Variants in GABPB2 observed in about 807,000 individuals in gnomAD.
GABPB2 encodes the protein GA-binding protein subunit beta-2.
GABPB2 carries 23 observed loss-of-function variants against 39.1 expected under a neutral mutation model. The observed-to-expected ratio is 0.59, with a 90% CI of 0.42 to 0.83. The LOEUF (loss-of-function observed/expected upper bound fraction) is 0.83. GABPB2 is among the 40% of genes least tolerant of loss of function. The probability of loss-of-function intolerance (pLI) is 0.00; values close to 1 mark genes in which losing one functional copy is unlikely to be tolerated. For synonymous variants in GABPB2, 184 were observed against 199.3 expected (o/e 0.92, Z 0.65); for missense variants, 467 against 541.1 (o/e 0.86, Z 1.36).
intron 3 of GABPB2, among the ~76,000 whole-genome samples, chr1:151,092,833 G>A (rs1035943715): frequency 6.6e-6 from 1 of 152,048 alleles, no homozygotes; most frequent in African/African-American, 2.4e-5. Flanking sequence ...TTTTTTAAAG[G>A]CTAAACAGAC....
At chr1:151,090,647 A>G in intron 3 of GABPB2, 74 bp downstream of exon 3, 1 of 1,402,390 alleles carries the variant, frequency 7.1e-7, no homozygotes, top group Non-Finnish European at 9.9e-7. Flanking sequence ...TTAAATGGGT[A>G]CTAGGAAATG....
intron 7 of GABPB2, among the ~76,000 whole-genome samples, chr1:151,113,892 C>G (rs1037832758): frequency 1.3e-5 from 2 of 152,160 alleles, no homozygotes; most frequent in African/African-American, 4.8e-5. Flanking sequence ...GGCTTTTTTC[C>G]TTTCAGCATA....
At chr1:151,105,378 G>A (rs865837115) in intron 6 of GABPB2, among the ~76,000 whole-genome samples, 1 of 149,070 alleles carries the variant, frequency 6.7e-6, no homozygotes, top group African/African-American at 2.5e-5. Context: ...ATATATATAT[G>A]TGTGTATATA....
intron 1 of GABPB2, among the ~76,000 whole-genome samples, chr1:151,080,549 A>AAAT (rs1423018854): frequency 6.8e-6 from 1 of 147,394 alleles, no homozygotes; most frequent in East Asian, 2.0e-4. Flanking sequence ...ATAAATAAAT[A>AAAT]AAATAAAAAG....
At chr1:151,114,697 A>C (rs1014759584) in intron 7 of GABPB2, among the ~76,000 whole-genome samples, 3 of 150,968 alleles carry the variant, frequency 2.0e-5, no homozygotes, top group African/African-American at 7.3e-5. Flanking sequence ...CTCTGTCTCA[A>C]AAGAAAAGAA....
chr1:151,099,084 C>CAAAA (rs200277830), intron 5 of GABPB2, among the ~76,000 whole-genome samples: 3 of 110,606 alleles, frequency 2.7e-5, no homozygotes, highest in Non-Finnish European at 3.8e-5. Context: ...AACTTCATCT[C>CAAAA]AAAAAAAAAA....
rs758503026 is a variant in GABPB2, at chr1:151,090,564, G to A, written c.267G>A (p.Leu89=). The stretch of plus-strand genomic sequence containing the variant: ...ATGGACATGCGCACATCGTGGAACT[G>A]CTTGTTCGGGTAAAGCAAGAATAGG... ...AADGHAHIVE[L]LVRNGADVNA... The change falls in exon 3 of 9, where the codon CTG becomes CTA. Residue 89 remains leucine (L), a synonymous_variant. Transcript: ENST00000368918. 6.2e-7 allele frequency: 1 copy of A among 1,613,424 alleles called. No individual in the cohort carries two copies. The highest frequency in any genetic ancestry group is 2.2e-5 in the East Asian group (1 of 44,876).
At position 151,084,540 on chromosome 1, in the gene GABPB2, T is replaced by G. The variant is rs587599929; in HGVS notation, c.1-3650T>G. Among the ~76,000 whole-genome samples the G allele has an allele frequency of 3.1e-4, 41 of 131,002 alleles. 1 individual carries two copies. In the South Asian group the frequency reaches 9.8e-3, roughly 31 times the overall value. 85.9% of individuals were successfully genotyped at this position (131,002 alleles called of 152,430 possible). On this transcript the variant is annotated intron_variant, in intron 1 of 8. Coordinates refer to ENST00000368918, the MANE Select transcript of GABPB2 (RefSeq NM_144618.3). ...CGCGCCCGGCCCTAGCTGTTTTTTT[T>G]TTTTTTTTTTTTGAGACGGAGTCTC... is the stretch of plus-strand genomic sequence containing the variant.
At chr1:151,076,432 AT>A (rs1558122613) in intron 1 of GABPB2, among the ~76,000 whole-genome samples, 1 of 151,816 alleles carries the variant, frequency 6.6e-6, no homozygotes, top group African/African-American at 2.4e-5. Flanking sequence ...TAGAATTTTT[AT>A]TTTTTTTATT....
chr1:151,114,005 A>G (rs186841480), intron 7 of GABPB2, among the ~76,000 whole-genome samples: 250 of 152,150 alleles, frequency 1.6e-3, no homozygotes, highest in Admixed American at 0.011. Context: ...TTGTTTAACC[A>G]TTTACCCAGT....
chr1:151,070,996 C>T (rs1264365767), intron 1 of GABPB2, 62 bp downstream of exon 1: 4 of 152,178 alleles, frequency 2.6e-5, no homozygotes, highest in African/African-American at 9.7e-5. Flanking sequence ...AGGAAAGTGC[C>T]GTGAGAAGTC....
intron 4 of GABPB2, among the ~76,000 whole-genome samples, chr1:151,095,205 A>G (rs1297648577): frequency 6.6e-6 from 1 of 152,132 alleles, no homozygotes; most frequent in East Asian, 1.9e-4. Flanking sequence ...CTAGCCTAGA[A>G]AAAGAGCAAA....
chr1:151,088,913 T>C (rs1038239142), intron 2 of GABPB2, among the ~76,000 whole-genome samples: 1 of 151,926 alleles, frequency 6.6e-6, no homozygotes, highest in Non-Finnish European at 1.5e-5. Flanking sequence ...GGCAGGAGAA[T>C]CGCGTGAACT....
At position 151,124,652 on chromosome 1, in the gene GABPB2, C is replaced by G. The variant is rs1681310214; in HGVS notation, c.*6396C>G. 6.6e-6 allele frequency: 1 copy of G among 152,016 alleles called. No homozygotes were observed. The highest frequency in any genetic ancestry group is 1.5e-5 in the Non-Finnish European group (1 of 68,020). The allele number at this position is 152,016 out of a possible 1,614,324, so 9.4% of individuals were successfully genotyped here. ...CCTCTTCTCTACTCCTTGTGCAAAC[C>G]CATCTCTGGATAGCTAGAAAAGGAA... On this transcript the variant is annotated 3_prime_UTR_variant, in exon 9 of 9. Transcript: ENST00000368918.
intron 3 of GABPB2, among the ~76,000 whole-genome samples, chr1:151,092,786 A>G (rs1678824716): frequency 1.3e-5 from 2 of 152,012 alleles, no homozygotes; most frequent in Admixed American, 1.3e-4. Flanking sequence ...CATGTTCCCC[A>G]GGTTCATCTT....
chr1:151,099,230 C>T (rs1679335516), intron 5 of GABPB2, among the ~76,000 whole-genome samples: 1 of 151,312 alleles, frequency 6.6e-6, no homozygotes, highest in Non-Finnish European at 1.5e-5. Context: ...CGGAGTCTCG[C>T]TGTGTTTCCC....
In GABPB2 at chr1:151,103,565, AC is replaced by A; in HGVS notation, c.631del (p.His211MetfsTer42). 2 of 1,608,924 alleles carry A rather than the reference AC, an allele frequency of 1.2e-6. No individual in the cohort carries two copies. On this transcript the variant is annotated frameshift_variant, in exon 6 of 9. Transcript: ENST00000368918. LOFTEE classifies it high-confidence loss of function. Reference sequence around the variant, plus strand: ...TTTGTCTTTCTTACTGAAATAGGTGACCCCCATGCCTCAACAGTACAGTTTT... The same window carrying A: ...TTTGTCTTTCTTACTGAAATAGGTGACCCCATGCCTCAACAGTACAGTTTT... ...SSTNTKTTSG[D>X]PHASTVQFSN...
At chr1:151,076,207 G>A (rs1002790232) in intron 1 of GABPB2, among the ~76,000 whole-genome samples, 1 of 152,132 alleles carries the variant, frequency 6.6e-6, no homozygotes, top group Non-Finnish European at 1.5e-5. Context: ...AAATAAGAAG[G>A]TTTTCCATGA....
chr1:151,083,225 T>G (rs1677875248), intron 1 of GABPB2, among the ~76,000 whole-genome samples: 1 of 152,204 alleles, frequency 6.6e-6, no homozygotes, highest in South Asian at 2.1e-4. Flanking sequence ...TACCACTTAT[T>G]TCATCAGGAA....
Sources: allele counts gnomAD v4.1 joint callset (sites outside exome capture counted in the v4.1 genomes callset), GRCh38; gene constraint gnomAD v4.1.1; transcripts MANE v1.5; gene names NCBI Gene and HGNC (gene_info 2026-07-23, HGNC 2026-07-21).